Variants in CFAP47 observed in about 807,000 individuals in gnomAD.
CFAP47 encodes cilia- and flagella-associated protein 47.
A neutral mutation model predicts 148.1 loss-of-function variants in CFAP47; 29 were observed. The ratio of observed to expected loss-of-function variants is 0.20; its 90% confidence interval spans 0.15 to 0.27. The LOEUF (loss-of-function observed/expected upper bound fraction) is 0.27, where lower values mean the gene tolerates loss of function less well. Among genes scored for constraint, CFAP47 ranks in the 10% least tolerant of loss-of-function variants. CFAP47 has a pLI of 1.00. For synonymous variants in CFAP47, 664 were observed against 577.3 expected, an observed-to-expected ratio of 1.15 and a Z score of -2.15; for missense variants, 1,872 against 1,697.5, an observed-to-expected ratio of 1.10 and a Z score of -1.81.
intron 2 of CFAP47, among the ~76,000 whole-genome samples, chrX:35,939,284 AAATTT>A (rs988064559): frequency 3.2e-4 from 35 of 109,100 alleles, no homozygotes; most frequent in African/African-American, 1.1e-3. Flanking sequence ...TATTTTTTTT[AAATTT>A]AATTTAATTT....
At position 35,993,336 on chromosome X, in the gene CFAP47, A is replaced by G. The variant is rs1378648844; in HGVS notation, c.3099+15A>G. On this transcript the variant is annotated intron_variant, in intron 18 of 63. Transcript: ENST00000378653. ...CAAGAGCAAAGGTATGTCCATACAT[A>G]TGAGTTTTTGCACCTTACATATGTC... is the stretch of plus-strand genomic sequence containing the variant. 3.4e-6 allele frequency: 1 copy of G among 290,593 alleles called. No homozygotes were observed. Among genetic ancestry groups the G allele is most frequent in the African/African-American group, 2.8e-5 (1 of 36,113 alleles). The allele number at this position is 290,593 out of a possible 1,213,427, so 23.9% of individuals were successfully genotyped here. A position where few individuals can be genotyped will look rare whatever the true frequency, so the allele number is the denominator to read the frequency against.
chrX:36,312,938 T>G (rs1334490609), intron 56 of CFAP47, among the ~76,000 whole-genome samples: 2 of 111,094 alleles, frequency 1.8e-5, no homozygotes, highest in African/African-American at 6.5e-5. Flanking sequence ...GAAAAAGAAC[T>G]TCTTTCCCCG....
At chrX:36,231,460 T>A (rs1314645386) in intron 46 of CFAP47, among the ~76,000 whole-genome samples, 1 of 110,040 alleles carries the variant, frequency 9.1e-6, no homozygotes, top group Non-Finnish European at 1.9e-5. Flanking sequence ...GTACATTGAT[T>A]TTGTATCCTG....
chrX:35,959,833 C>G (rs1218739958), intron 8 of CFAP47, among the ~76,000 whole-genome samples: 4 of 94,363 alleles, frequency 4.2e-5, no homozygotes, highest in African/African-American at 1.6e-4. Context: ...GAGCCAAGAT[C>G]GTGCCACTGC....
intron 51 of CFAP47, among the ~76,000 whole-genome samples, chrX:36,288,394 A>G (rs1941155715): frequency 8.9e-6 from 1 of 112,101 alleles, no homozygotes; most frequent in African/African-American, 3.2e-5. Context: ...CTATGGGAGA[A>G]TGATGACAAT....
chrX:36,146,087 G>A (rs1331949803), intron 36 of CFAP47, among the ~76,000 whole-genome samples: 1 of 110,940 alleles, frequency 9.0e-6, no homozygotes, highest in Admixed American at 9.6e-5. Context: ...TTTGCTAATT[G>A]CAATGATATC....
intron 32 of CFAP47, among the ~76,000 whole-genome samples, chrX:36,103,457 C>T (rs1938409427): frequency 1.1e-5 from 1 of 93,381 alleles, no homozygotes; most frequent in Non-Finnish European, 2.1e-5. Flanking sequence ...TCTTCTGGCG[C>T]TCCTACCTTG....
intron 48 of CFAP47, among the ~76,000 whole-genome samples, chrX:36,246,063 A>C (rs782203237): frequency 1.8e-5 from 2 of 111,830 alleles, no homozygotes; most frequent in South Asian, 3.7e-4. Context: ...CAAAAATTTT[A>C]TTAAGGATCT....
intron 2 of CFAP47, among the ~76,000 whole-genome samples, chrX:35,938,828 C>T (rs1363937989): frequency 5.4e-5 from 6 of 111,679 alleles, no homozygotes; most frequent in Admixed American, 9.5e-5. Flanking sequence ...TTGTATTCCC[C>T]TCTTTTAATG....
At position 36,110,095 on chromosome X, in the gene CFAP47, G is replaced by T. The variant is rs183630193; in HGVS notation, c.5320+5404G>T. On this transcript the variant is annotated intron_variant, in intron 33 of 63. Transcript: ENST00000378653. ...TACTCTGTTGGTAGTTTCTTTTGCT[G>T]TGCAAAAGCTTATTAGCTTAAACAG... Among the ~76,000 whole-genome samples, 69 of 111,475 alleles carry T rather than the reference G, an allele frequency of 6.2e-4. No homozygotes were observed. In the East Asian group the frequency reaches 0.017, roughly 27 times the overall value.
chrX:36,206,633 A>C (rs1250285859), intron 45 of CFAP47, among the ~76,000 whole-genome samples: 1 of 112,010 alleles, frequency 8.9e-6, no homozygotes, highest in Non-Finnish European at 1.9e-5. Context: ...ATGTATAACC[A>C]AGGATACACA....
At chrX:36,122,965 A>C (rs1428406195) in intron 33 of CFAP47, among the ~76,000 whole-genome samples, 1 of 111,411 alleles carries the variant, frequency 9.0e-6, no homozygotes, top group Admixed American at 9.6e-5. Flanking sequence ...CTTTCCTGAT[A>C]CTCAAAAGGA....
intron 16 of CFAP47, chrX:35,989,805 A>C (rs1936766214): frequency 4.4e-6 from 1 of 227,301 alleles, no homozygotes; most frequent in East Asian, 7.6e-5. Context: ...TGTGTACCAA[A>C]TTTCCCACTC....
chrX:36,199,749 G>C (rs1372517836), intron 42 of CFAP47, among the ~76,000 whole-genome samples: 1 of 111,466 alleles, frequency 9.0e-6, no homozygotes, highest in Non-Finnish European at 1.9e-5. Context: ...GCTTCAGTTA[G>C]TGTAGAGACC....
intron 22 of CFAP47, 131 bp downstream of exon 22, chrX:36,015,043 G>A (rs1470114042): frequency 8.0e-6 from 2 of 248,983 alleles, no homozygotes; most frequent in African/African-American, 2.9e-5. Context: ...ATTTTAAGAG[G>A]ATTCCTTTGT....
intron 61 of CFAP47, among the ~76,000 whole-genome samples, chrX:36,363,454 G>A (rs1236390014): frequency 9.0e-6 from 1 of 111,575 alleles, no homozygotes; most frequent in African/African-American, 3.2e-5. Flanking sequence ...AAAAGGTACA[G>A]TAAACATACA....
chrX:36,085,227 A>G (rs373497366), intron 29 of CFAP47, 87 bp from the exon 30 acceptor site: 3 of 547,937 alleles, frequency 5.5e-6, no homozygotes, highest in Non-Finnish European at 9.1e-6. Context: ...ATAGAGTTTC[A>G]TTTAGTCATT....
chrX:36,190,816 G>A (rs1939857923), intron 42 of CFAP47, among the ~76,000 whole-genome samples: 2 of 111,048 alleles, frequency 1.8e-5, no homozygotes, highest in Non-Finnish European at 3.8e-5. Flanking sequence ...GAGAGAGAGA[G>A]TTAGAGCCAC....
rs935605440 is a variant in CFAP47, at chrX:36,348,753, A to G, written c.8603+465A>G. On this transcript the variant is annotated intron_variant, in intron 58 of 63. Transcript: ENST00000378653. ...CATCATATGAAACTGCCATGGCTAG[A>G]GGTATTCTGCCACTGCCAGAATGCA... Among the ~76,000 whole-genome samples the G allele has an allele frequency of 2.7e-5, 3 of 111,698 alleles. No individual in the cohort carries two copies. The East Asian group carries it at 8.5e-4, about 32-fold the overall frequency.
Sources: gnomAD v4.1 joint callset for allele counts (sites outside exome capture counted in the v4.1 genomes callset) on GRCh38, gnomAD v4.1.1 for gene constraint, MANE v1.5 for transcripts, NCBI Gene and HGNC (gene_info 2026-07-23, HGNC 2026-07-21) for gene names.